The following CADPS variants were observed in gnomAD, a reference collection of about 807,000 sequenced individuals.
The protein encoded by CADPS is calcium dependent secretion activator.
CADPS carries 57 observed loss-of-function variants against 167.3 expected under a neutral mutation model. The observed-to-expected ratio is 0.34, with a 90% CI of 0.28 to 0.42. The LOEUF (loss-of-function observed/expected upper bound fraction) is 0.42. Among genes scored for constraint, CADPS ranks in the 20% least tolerant of loss-of-function variants. The probability of loss-of-function intolerance (pLI) is 1.00; values close to 1 mark genes in which losing one functional copy is unlikely to be tolerated. For missense variants in CADPS, 1,414 were observed against 1,738.1 expected (o/e 0.81, Z 3.32); for synonymous variants, 676 against 635.3 (o/e 1.06, Z -0.96).
chr3:62,820,552 A>G (rs2152928241), intron 1 of CADPS, among the ~76,000 whole-genome samples: 1 of 152,250 alleles, frequency 6.6e-6, no homozygotes, highest in African/African-American at 2.4e-5. Context: ...CTGAAATATG[A>G]GCTCGGTAAG....
intron 3 of CADPS, among the ~76,000 whole-genome samples, chr3:62,741,948 G>T (rs1469057429): frequency 6.6e-6 from 1 of 152,078 alleles, no homozygotes; most frequent in Non-Finnish European, 1.5e-5. Context: ...AAAAATCAAT[G>T]TGCAAAAATC....
At chr3:62,612,511 A>G (rs1237015110) in intron 6 of CADPS, among the ~76,000 whole-genome samples, 5 of 152,222 alleles carry the variant, frequency 3.3e-5, no homozygotes, top group Non-Finnish European at 7.3e-5. Context: ...TTTCCAGGCT[A>G]GTTCCAGGGT....
chr3:62,598,918 G>A (rs529512358), intron 6 of CADPS, among the ~76,000 whole-genome samples: 2 of 152,238 alleles, frequency 1.3e-5, no homozygotes, highest in South Asian at 2.1e-4. Context: ...TTTATTTCAC[G>A]TGTTCAATAT....
Position 62,455,731 on chromosome 3 carries a change from A to C in CADPS, c.3636+9636T>G, listed in dbSNP as rs1366195806. Among the ~76,000 whole-genome samples the C allele has an allele frequency of 6.6e-6, 1 of 152,176 alleles. No individual in the cohort carries two copies. Among genetic ancestry groups the C allele is most frequent in the Non-Finnish European group, 1.5e-5 (1 of 68,024 alleles). On this transcript the variant is annotated intron_variant, in intron 26 of 29. Coordinates refer to ENST00000383710, the MANE Select transcript of CADPS (RefSeq NM_003716.4). The surrounding 1 kb of genome is among the most constrained non-coding windows in gnomAD (Gnocchi z 4.4). ...ACATCTCTCAACACTAAGAAGGGTG[A>C]CAGAATGCAAGCTTGAAGAGGACAA...
intron 1 of CADPS, among the ~76,000 whole-genome samples, chr3:62,775,686 C>T (rs2090103785): frequency 6.6e-6 from 1 of 152,112 alleles, no homozygotes; most frequent in Non-Finnish European, 1.5e-5. Flanking sequence ...AAATGATATT[C>T]CATTTTTTAA....
intron 5 of CADPS, among the ~76,000 whole-genome samples, chr3:62,648,008 A>G (rs1338267732): frequency 6.6e-6 from 1 of 152,122 alleles, no homozygotes; most frequent in Non-Finnish European, 1.5e-5. Flanking sequence ...CCTCACTGCA[A>G]AGTTATTTAC....
chr3:62,475,148 T>G (rs1247591741), intron 23 of CADPS, among the ~76,000 whole-genome samples: 1 of 152,190 alleles, frequency 6.6e-6, no homozygotes, highest in East Asian at 1.9e-4. Flanking sequence ...CTGACATTGG[T>G]CAAATTAGGA....
intron 1 of CADPS, among the ~76,000 whole-genome samples, chr3:62,807,246 T>A (rs2094146067): frequency 6.6e-6 from 1 of 152,110 alleles, no homozygotes; most frequent in Non-Finnish European, 1.5e-5. Flanking sequence ...GCCAATTTAA[T>A]TCTTTCATCA....
chr3:62,828,452 A>G (rs1008965515), intron 1 of CADPS, among the ~76,000 whole-genome samples: 24 of 152,186 alleles, frequency 1.6e-4, no homozygotes, highest in African/African-American at 5.8e-4. Context: ...CAAATGGCCA[A>G]TTAGTAACTG....
intron 1 of CADPS, among the ~76,000 whole-genome samples, chr3:62,836,161 C>T (rs1015299260): frequency 2.0e-5 from 3 of 152,072 alleles, no homozygotes; most frequent in Non-Finnish European, 4.4e-5. Flanking sequence ...TGAGTGAATC[C>T]GACATGCAGC....
intron 28 of CADPS, among the ~76,000 whole-genome samples, chr3:62,415,074 TTTTC>T (rs1374191922): frequency 6.6e-6 from 1 of 152,148 alleles, no homozygotes; most frequent in Non-Finnish European, 1.5e-5. Flanking sequence ...GCTTAATTTC[TTTTC>T]TTTCTCTGCC....
chr3:62,860,863 A>AG (rs1190974316), intron 1 of CADPS, among the ~76,000 whole-genome samples: 1 of 152,126 alleles, frequency 6.6e-6, no homozygotes, highest in Non-Finnish European at 1.5e-5. Flanking sequence ...CCACTTGGGG[A>AG]GGAGTGAGAA....
At chr3:62,870,616 G>A (rs935432783) in intron 1 of CADPS, among the ~76,000 whole-genome samples, 1 of 152,130 alleles carries the variant, frequency 6.6e-6, no homozygotes, top group Non-Finnish European at 1.5e-5. Flanking sequence ...AGGAATTGCT[G>A]TGTAATAGAC....
chr3:62,481,970 C>A (rs1561010087), intron 21 of CADPS, 101 bp from the exon 22 acceptor site: 1 of 1,184,002 alleles, frequency 8.4e-7, no homozygotes, highest in Non-Finnish European at 1.2e-6. Flanking sequence ...AAGTCCACAG[C>A]AAGACAACAG....
chr3:62,513,753 A>T (rs2068376914), intron 16 of CADPS: 2 of 1,249,914 alleles, frequency 1.6e-6, no homozygotes, highest in East Asian at 5.0e-5. Flanking sequence ...TCAGAGGTAA[A>T]GAGGTTAAAG....
At chr3:62,853,285 T>A (rs941535453) in intron 1 of CADPS, among the ~76,000 whole-genome samples, 59 of 152,182 alleles carry the variant, frequency 3.9e-4, no homozygotes, top group Non-Finnish European at 7.5e-4. Context: ...CACATTGTTT[T>A]CAGTCTTTAT....
rs34800701 is a variant in CADPS, at chr3:62,790,999, T to TAAA, written c.442-25018_442-25016dup. ...TCAAGCACATGTGTTGGCTCCTAAG[T>TAAA]AAAAAAAAAAATACGTATTTATCAG... On this transcript the variant is annotated intron_variant, in intron 1 of 29. Coordinates refer to ENST00000383710, the MANE Select transcript of CADPS (RefSeq NM_003716.4). Among the ~76,000 whole-genome samples the TAAA allele has an allele frequency of 6.3e-3, 938 of 148,118 alleles. 14 individuals are homozygous for TAAA. Among genetic ancestry groups the TAAA allele is most frequent in the South Asian group, 0.011 (52 of 4,648 alleles).
chr3:62,639,062 C>T (rs1482301176), intron 6 of CADPS, among the ~76,000 whole-genome samples: 1 of 152,148 alleles, frequency 6.6e-6, no homozygotes, highest in Non-Finnish European at 1.5e-5. Flanking sequence ...CTCACAAACA[C>T]ACACAAACTG....
intron 21 of CADPS, among the ~76,000 whole-genome samples, chr3:62,487,384 T>G (rs2150987028): frequency 6.6e-6 from 1 of 152,328 alleles, no homozygotes; most frequent in South Asian, 2.1e-4. Flanking sequence ...AACCTCATAT[T>G]CACAGCTGCC....
Sources: gnomAD v4.1 joint callset for allele counts (sites outside exome capture counted in the v4.1 genomes callset) on GRCh38, gnomAD v4.1.1 for gene constraint, Gnocchi (gnomAD v3.1) non-coding constraint, MANE v1.5 for transcripts, NCBI Gene and HGNC (gene_info 2026-07-23, HGNC 2026-07-21) for gene names.